UBE2D2: variants seen among roughly 807,000 people sequenced by gnomAD.
The protein encoded by UBE2D2 is ubiquitin-conjugating enzyme E2 D2.
In UBE2D2, 2 loss-of-function variants were observed where a neutral mutation model predicts 24.2. The ratio of observed to expected loss-of-function variants is 0.08; its 90% CI spans 0.03 to 0.26. UBE2D2 has a LOEUF of 0.26. Ranked by LOEUF, UBE2D2 falls within the 10% of genes least tolerant of loss-of-function variation. UBE2D2 has a pLI of 1.00. For missense variants in UBE2D2, 44 were observed against 177.6 expected (o/e 0.25, Z 4.28); for synonymous variants, 58 against 56.5 (o/e 1.03, Z -0.12).
intron 1 of UBE2D2, among the ~76,000 whole-genome samples, chr5:139,536,829 G>A (rs1752687384): frequency 6.6e-6 from 1 of 151,980 alleles, no homozygotes; most frequent in African/African-American, 2.4e-5. Flanking sequence ...GTAAATCCAA[G>A]ATATCATTTC....
chr5:139,602,723 GTGTC>G (rs1479936492), intron 2 of UBE2D2, among the ~76,000 whole-genome samples: 1 of 152,056 alleles, frequency 6.6e-6, no homozygotes, highest in Non-Finnish European at 1.5e-5. Flanking sequence ...AAAAAAGAAT[GTGTC>G]TGGTCTGCTA....
At chr5:139,614,016 T>A (rs531033526) in intron 2 of UBE2D2, among the ~76,000 whole-genome samples, 1 of 150,650 alleles carries the variant, frequency 6.6e-6, no homozygotes, top group Admixed American at 6.6e-5. Flanking sequence ...GAGCCGAAAT[T>A]GCGCCAGCGC....
chr5:139,606,365 G>A (rs1328797651), intron 2 of UBE2D2, among the ~76,000 whole-genome samples: 1 of 152,018 alleles, frequency 6.6e-6, no homozygotes. Flanking sequence ...GTTTCACCAT[G>A]TTGGCCAGGC....
chr5:139,566,351 A>G (rs1753217284), intron 1 of UBE2D2, among the ~76,000 whole-genome samples: 1 of 151,932 alleles, frequency 6.6e-6, no homozygotes, highest in East Asian at 1.9e-4. Context: ...GTCTCAAGAC[A>G]AAGTTCTCAA....
rs199662706 is a variant in UBE2D2 at position 139,580,045 on chromosome 5, C to CAA, written c.24+18245_24+18246dup. On this transcript the variant is annotated intron_variant, in intron 1 of 6. Transcript: ENST00000398733. Reference sequence around the variant, plus strand: ...TGGGCAACAGAGCGAGACTCCCTCTCAAAAAAAAAAAAAAAAGTTGTTCCC... The same window carrying CAA: ...TGGGCAACAGAGCGAGACTCCCTCTCAAAAAAAAAAAAAAAAAAGTTGTTCCC... Among the ~76,000 whole-genome samples the CAA allele has an allele frequency of 9.4e-3, 1,094 of 116,960 alleles. 9 individuals carry two copies. Among genetic ancestry groups the CAA allele is most frequent in the Middle Eastern group, 0.045 (10 of 224 alleles). 76.7% of individuals were successfully genotyped at this position (116,960 alleles called of 152,430 possible). A position where few individuals can be genotyped will look rare whatever the true frequency, so the allele number is the denominator to read the frequency against.
chr5:139,625,807 G>T (rs1322080627), intron 6 of UBE2D2, among the ~76,000 whole-genome samples: 1 of 151,896 alleles, frequency 6.6e-6, no homozygotes, highest in Non-Finnish European at 1.5e-5. Context: ...ATTTTGCCAT[G>T]TTGGCCAGGC....
intron 1 of UBE2D2, among the ~76,000 whole-genome samples, chr5:139,582,838 T>C (rs185766530): frequency 1.1e-3 from 174 of 151,934 alleles, no homozygotes; most frequent in African/African-American, 3.8e-3. Context: ...GCCCAGCTAA[T>C]TTTTTGTAGT....
intron 2 of UBE2D2, among the ~76,000 whole-genome samples, chr5:139,603,334 C>G (rs1324091089): frequency 6.6e-6 from 1 of 152,104 alleles, no homozygotes; most frequent in East Asian, 1.9e-4. Context: ...AAAAATTGTT[C>G]CCTTTGGAGA....
rs1754371019 is a variant in UBE2D2, at chr5:139,613,811, A to G, written c.89-775A>G. On this transcript the variant is annotated intron_variant, in intron 2 of 6. Transcript: ENST00000398733. The stretch of plus-strand genomic sequence containing the variant: ...GCATTATAAAAGGAGTCATGCCTGT[A>G]ATTCCAGCTTTGGGAGGCTGAGGTG... Among the ~76,000 whole-genome samples the G allele has an allele frequency of 5.9e-5, 9 of 152,168 alleles. No individual in the cohort carries two copies. In the South Asian group the frequency reaches 1.9e-3, roughly 32 times the overall value.
At chr5:139,531,722 G>A (rs1467590090) in intron 1 of UBE2D2, among the ~76,000 whole-genome samples, 1 of 152,154 alleles carries the variant, frequency 6.6e-6, no homozygotes, top group Admixed American at 6.6e-5. Flanking sequence ...AGCACTTTGG[G>A]AGGCCGAAGT....
At chr5:139,534,514 C>T (rs370306246) in intron 1 of UBE2D2, among the ~76,000 whole-genome samples, 2 of 148,696 alleles carry the variant, frequency 1.3e-5, no homozygotes, top group Admixed American at 1.4e-4. Context: ...TGCAGTGAGC[C>T]GAGATCGCGC....
chr5:139,562,160 G>T (rs891132428), intron 1 of UBE2D2: 11 of 1,325,402 alleles, frequency 8.3e-6, no homozygotes, highest in African/African-American at 3.0e-5. Context: ...CGAGGGGGGC[G>T]CTGGGGCGTT....
At chr5:139,609,060 C>G (rs1030942974) in intron 2 of UBE2D2, among the ~76,000 whole-genome samples, 2 of 151,516 alleles carry the variant, frequency 1.3e-5, no homozygotes, top group Non-Finnish European at 2.9e-5. Flanking sequence ...GCACTCCAGC[C>G]CAGGCGACAG....
At chr5:139,544,626 C>T (rs1752801239) in intron 1 of UBE2D2, among the ~76,000 whole-genome samples, 1 of 151,910 alleles carries the variant, frequency 6.6e-6, no homozygotes. Context: ...CACACACACA[C>T]ACACACCCCA....
At chr5:139,595,433 C>T (rs1753938486) in intron 1 of UBE2D2, among the ~76,000 whole-genome samples, 1 of 151,884 alleles carries the variant, frequency 6.6e-6, no homozygotes, top group African/African-American at 2.4e-5. Context: ...AGCTGGAGTG[C>T]AGTAGCACGA....
intron 1 of UBE2D2, among the ~76,000 whole-genome samples, chr5:139,598,092 G>A (rs758876815): frequency 2.0e-5 from 3 of 151,984 alleles, no homozygotes; most frequent in African/African-American, 4.8e-5. Flanking sequence ...TAGTAGAGAT[G>A]GGGTTTCACC....
intron 1 of UBE2D2, among the ~76,000 whole-genome samples, chr5:139,600,042 C>G (rs879841947): frequency 5.3e-5 from 8 of 152,072 alleles, no homozygotes; most frequent in Admixed American, 5.2e-4. Flanking sequence ...AAGTGATCTG[C>G]CCGCCTCAGC....
chr5:139,561,428 C>A lies in UBE2D2; in HGVS notation c.-364C>A. The A allele has an allele frequency of 4.2e-6, 1 of 239,390 alleles. No individual in the cohort carries two copies. Among genetic ancestry groups the A allele is most frequent in the South Asian group, 1.4e-4 (1 of 7,166 alleles). 14.8% of individuals were successfully genotyped at this position (239,390 alleles called of 1,614,324 possible). On this transcript the variant is annotated 5_prime_UTR_variant, in exon 1 of 7. Coordinates refer to ENST00000398733, the MANE Select transcript of UBE2D2 (RefSeq NM_003339.3). ...AAGACAGGCAATCCCTCCGGCTGTC[C>A]GACCAAGAGAGGCCGGCCGAGCCCG... is the stretch of plus-strand genomic sequence containing the variant.
chr5:139,584,961 C>T (rs570328104), intron 1 of UBE2D2, among the ~76,000 whole-genome samples: 54 of 149,506 alleles, frequency 3.6e-4, no homozygotes, highest in African/African-American at 1.3e-3. Flanking sequence ...AGTGCAGTGG[C>T]GCGATCTCGG....
Sources: allele counts gnomAD v4.1 joint callset (sites outside exome capture counted in the v4.1 genomes callset), GRCh38; gene constraint gnomAD v4.1.1; transcripts MANE v1.5; gene names NCBI Gene and HGNC (gene_info 2026-07-23, HGNC 2026-07-21).